C14orf132: variants seen among roughly 807,000 people sequenced by gnomAD.
C14orf132 encodes the protein chromosome 14 open reading frame 132, also known as uncharacterized protein C14orf132.
In C14orf132, 6 loss-of-function variants were observed where a neutral mutation model predicts 5.8. The ratio of observed to expected loss-of-function variants is 1.03; its 90% CI spans 0.57 to 2.04. The LOEUF (loss-of-function observed/expected upper bound fraction) is 2.04, where lower values mean the gene tolerates loss of function less well. Among genes scored for constraint, C14orf132 ranks in the 30% most tolerant of loss-of-function variants. C14orf132 has a pLI of 0.00. For missense variants in C14orf132, 125 were observed against 115.8 expected, an observed-to-expected ratio of 1.08 and a Z score of -0.37; for synonymous variants, 51 against 49.8, an observed-to-expected ratio of 1.02 and a Z score of -0.10.
At chr14:96,049,626 ATATACATATATACG>A (rs1180640039) in intron 1 of C14orf132, among the ~76,000 whole-genome samples, 1,020 of 91,510 alleles carry the variant, frequency 0.011, 101 homozygotes, top group African/African-American at 0.05. Flanking sequence ...ATACGTATAT[ATATACATATATACG>A]TATATATATA....
At chr14:96,058,848 G>A (rs1461626964) in intron 1 of C14orf132, among the ~76,000 whole-genome samples, 1 of 152,214 alleles carries the variant, frequency 6.6e-6, no homozygotes, top group Non-Finnish European at 1.5e-5. Flanking sequence ...TCCTGTGCAG[G>A]GTAGCCACAG....
rs1408266081 is a variant in C14orf132, at chr14:96,093,608, T to C, written c.*6873T>C. The C allele has an allele frequency of 1.3e-5, 2 of 152,228 alleles. No homozygotes were observed. The highest frequency in any genetic ancestry group is 6.5e-5 in the Admixed American group (1 of 15,286). 9.4% of individuals were successfully genotyped at this position (152,228 alleles called of 1,614,324 possible). ...AAATGTTTTTGTGTCTTACTGATGT[T>C]TTCATGATCAACTTGTAAATGTAAG... On this transcript the variant is annotated 3_prime_UTR_variant, in exon 2 of 2. Transcript: ENST00000555004.
intron 1 of C14orf132, among the ~76,000 whole-genome samples, chr14:96,064,118 G>A (rs761004575): frequency 6.6e-6 from 1 of 152,040 alleles, no homozygotes; most frequent in African/African-American, 2.4e-5. Context: ...CAGCTGGTGG[G>A]AATGTAAACT....
intron 1 of C14orf132, among the ~76,000 whole-genome samples, chr14:96,058,434 C>T (rs998970390): frequency 2.0e-5 from 3 of 152,128 alleles, no homozygotes; most frequent in Non-Finnish European, 4.4e-5. Context: ...TATACTTATG[C>T]ACCATCTCAG....
In C14orf132 at chr14:96,039,480, A is replaced by T; in HGVS notation, c.-21A>T. On this transcript the variant is annotated 5_prime_UTR_variant, in exon 1 of 2. Transcript: ENST00000555004. The surrounding 1 kb of genome is among the most constrained non-coding windows in gnomAD (Gnocchi z 5.3). ...CGGCAGCGGCAGCAGCGAGGACTCG[A>T]GCGCTGGCTGCAGCGACACCATGGA... 3 of 1,501,178 alleles carry T rather than the reference A, an allele frequency of 2.0e-6. No individual in the cohort carries two copies. The highest frequency in any genetic ancestry group is 2.7e-6 in the Non-Finnish European group (3 of 1,128,114). 93.0% of individuals were successfully genotyped at this position (1,501,178 alleles called of 1,614,324 possible).
At chr14:96,081,048 T>C (rs1313243053) in intron 1 of C14orf132, among the ~76,000 whole-genome samples, 11 of 152,200 alleles carry the variant, frequency 7.2e-5, no homozygotes, top group Non-Finnish European at 1.6e-4. Context: ...TCTTTCCTTA[T>C]AAGAAACGAC....
chr14:96,079,594 C>T (rs999390164), intron 1 of C14orf132, among the ~76,000 whole-genome samples: 1 of 151,892 alleles, frequency 6.6e-6, no homozygotes, highest in Non-Finnish European at 1.5e-5. Flanking sequence ...GCAAGTGGGC[C>T]TTTGGTATTT....
At chr14:96,068,161 A>G (rs568528558) in intron 1 of C14orf132, among the ~76,000 whole-genome samples, 1 of 152,266 alleles carries the variant, frequency 6.6e-6, no homozygotes, top group East Asian at 1.9e-4. Context: ...CCTTAACTGC[A>G]CCCTGCGTGG....
chr14:96,057,515 T>C (rs1051442384), intron 1 of C14orf132, among the ~76,000 whole-genome samples: 2 of 152,254 alleles, frequency 1.3e-5, no homozygotes, highest in African/African-American at 4.8e-5. Context: ...CACTCTGTTC[T>C]GATGCTGAGG....
At chr14:96,083,758 C>T (rs1166080228) in intron 1 of C14orf132, among the ~76,000 whole-genome samples, 2 of 152,214 alleles carry the variant, frequency 1.3e-5, no homozygotes, top group African/African-American at 2.4e-5. Context: ...CTGTATGATA[C>T]ATTAGTGTTG....
chr14:96,046,451 G>T (rs990966094), intron 1 of C14orf132, among the ~76,000 whole-genome samples: 1 of 152,218 alleles, frequency 6.6e-6, no homozygotes, highest in Non-Finnish European at 1.5e-5. Context: ...TACTAAGGAG[G>T]TAGGCCATGG....
intron 1 of C14orf132, among the ~76,000 whole-genome samples, chr14:96,072,652 C>T (rs182516433): frequency 7.9e-5 from 12 of 152,278 alleles, no homozygotes; most frequent in African/African-American, 2.6e-4. Context: ...CTGCCTCTTG[C>T]GGTCAACCAC....
At chr14:96,060,821 G>A (rs12433354) in intron 1 of C14orf132, among the ~76,000 whole-genome samples, 2,989 of 152,230 alleles carry the variant, frequency 0.02, 115 homozygotes, top group East Asian at 0.17. Context: ...CACATCTCCC[G>A]TGCCAAACAT....
chr14:96,043,809 C>T (rs573508607), intron 1 of C14orf132, among the ~76,000 whole-genome samples: 1 of 152,220 alleles, frequency 6.6e-6, no homozygotes, highest in Admixed American at 6.5e-5. Flanking sequence ...AGTCACCTAA[C>T]ACAGTATCGA....
At chr14:96,062,253 G>T (rs1244278670) in intron 1 of C14orf132, among the ~76,000 whole-genome samples, 2 of 152,062 alleles carry the variant, frequency 1.3e-5, no homozygotes, top group Non-Finnish European at 2.9e-5. Context: ...TTGAACCACA[G>T]GTCAGGTAAA....
chr14:96,086,192 G>A lies in C14orf132; in HGVS notation c.28-319G>A, dbSNP rs145839366. Among the ~76,000 whole-genome samples, 18 of 152,286 alleles carry A rather than the reference G, an allele frequency of 1.2e-4. 1 individual carries two copies. The East Asian group carries it at 3.5e-3, about 29-fold the overall frequency. ...TTTTACAACCCATATCGTTATGGAG[G>A]AGCCTGGCATGGGGGGAGGGGAATG... On this transcript the variant is annotated intron_variant, in intron 1 of 1. Transcript: ENST00000555004.
chr14:96,070,596 T>TCTCACACACACACACACA (rs755530241), intron 1 of C14orf132, among the ~76,000 whole-genome samples: 20 of 142,558 alleles, frequency 1.4e-4, no homozygotes, highest in African/African-American at 5.0e-4. Flanking sequence ...TCTCTCTCTC[T>TCTCACACACACACACACA]CACACACACA....
intron 1 of C14orf132, among the ~76,000 whole-genome samples, chr14:96,084,837 C>T (rs781383752): frequency 1.3e-5 from 2 of 152,106 alleles, no homozygotes; most frequent in Admixed American, 6.5e-5. Context: ...ATATAGGTGC[C>T]GAGTGCCTCC....
At chr14:96,059,548 A>G (rs1887282716) in intron 1 of C14orf132, among the ~76,000 whole-genome samples, 1 of 152,174 alleles carries the variant, frequency 6.6e-6, no homozygotes, top group Admixed American at 6.5e-5. Context: ...ATGTTTGGGC[A>G]TCCTTGCTGT....
Sources: gnomAD v4.1 joint callset for allele counts (sites outside exome capture counted in the v4.1 genomes callset) on GRCh38, gnomAD v4.1.1 for gene constraint, Gnocchi (gnomAD v3.1) non-coding constraint, MANE v1.5 for transcripts, NCBI Gene and HGNC (gene_info 2026-07-23, HGNC 2026-07-21) for gene names.